DCC: variants seen among roughly 807,000 people sequenced by gnomAD.
DCC encodes DCC netrin 1 receptor.
A neutral mutation model predicts 172.5 loss-of-function variants in DCC; 58 were observed. The ratio of observed to expected loss-of-function variants is 0.34; its 90% CI spans 0.27 to 0.42. DCC has a LOEUF of 0.42. Among genes scored for constraint, DCC ranks in the 10% least tolerant of loss-of-function variants. The pLI is 1.00. For missense variants in DCC, 1,740 were observed against 1,791.0 expected (o/e 0.97, Z 0.51); for synonymous variants, 709 against 644.5 (o/e 1.10, Z -1.52).
At chr18:53,164,893 C>A (rs780992999) in intron 8 of DCC, among the ~76,000 whole-genome samples, 62 of 152,220 alleles carry the variant, frequency 4.1e-4, no homozygotes, top group Non-Finnish European at 7.1e-4. Context: ...AATGAGTATG[C>A]CTTTCTCTGT....
At chr18:52,604,064 G>A (rs1396428888) in intron 1 of DCC, among the ~76,000 whole-genome samples, 1 of 151,920 alleles carries the variant, frequency 6.6e-6, no homozygotes, top group Admixed American at 6.6e-5. Flanking sequence ...AAGATGATAA[G>A]TAGAAAAGTT....
At chr18:53,053,477 G>A (rs1568272983) in intron 5 of DCC, among the ~76,000 whole-genome samples, 2 of 152,000 alleles carry the variant, frequency 1.3e-5, no homozygotes, top group Admixed American at 1.3e-4. Context: ...ATTAAGAGAG[G>A]GAAATTCAGT....
At chr18:52,342,011 G>A (rs1324930557) in intron 1 of DCC, among the ~76,000 whole-genome samples, 1 of 152,130 alleles carries the variant, frequency 6.6e-6, no homozygotes, top group Non-Finnish European at 1.5e-5. Context: ...CATCAATCGC[G>A]GCCAAGCCCC....
intron 1 of DCC, among the ~76,000 whole-genome samples, chr18:52,651,988 C>A (rs2035141446): frequency 6.6e-6 from 1 of 152,138 alleles, no homozygotes; most frequent in Non-Finnish European, 1.5e-5. Context: ...ACAGTATCAG[C>A]AAACCAGGTT....
At chr18:52,439,554 G>C (rs562308158) in intron 1 of DCC, among the ~76,000 whole-genome samples, 22 of 152,176 alleles carry the variant, frequency 1.4e-4, no homozygotes, top group African/African-American at 5.1e-4. Context: ...AAGTATGAAA[G>C]GATTGAGGTT....
At chr18:53,456,721 C>A (rs999190852) in intron 23 of DCC, among the ~76,000 whole-genome samples, 1 of 152,060 alleles carries the variant, frequency 6.6e-6, no homozygotes, top group African/African-American at 2.4e-5. Flanking sequence ...GTTTAGAGAC[C>A]CCACTTTGGC....
At chr18:53,355,456 G>A (rs1011241794) in intron 15 of DCC, among the ~76,000 whole-genome samples, 9 of 152,176 alleles carry the variant, frequency 5.9e-5, no homozygotes, top group African/African-American at 2.2e-4. Context: ...TTGCTGAGCA[G>A]TGGTTTGTAG....
intron 20 of DCC, among the ~76,000 whole-genome samples, chr18:53,410,986 AATAGC>A: frequency 6.6e-6 from 1 of 152,166 alleles, no homozygotes. Context: ...GAATTATGTG[AATAGC>A]ATACTATTGC....
intron 2 of DCC, among the ~76,000 whole-genome samples, chr18:52,782,852 T>A (rs1220182666): frequency 6.6e-6 from 1 of 152,112 alleles, no homozygotes; most frequent in Non-Finnish European, 1.5e-5. Flanking sequence ...ATACTCTTCG[T>A]ATAAACATTT....
chr18:53,153,404 A>C (rs1000024663), intron 7 of DCC, among the ~76,000 whole-genome samples: 1 of 152,074 alleles, frequency 6.6e-6, no homozygotes, highest in Non-Finnish European at 1.5e-5. Context: ...GATGCTATGA[A>C]TTTTTTTAAA....
At chr18:52,802,640 A>G (rs2038013595) in intron 2 of DCC, among the ~76,000 whole-genome samples, 1 of 92,432 alleles carries the variant, frequency 1.1e-5, no homozygotes, top group Non-Finnish European at 2.1e-5. Flanking sequence ...CACCACGCCA[A>G]GCCTTTTTTT....
intron 1 of DCC, among the ~76,000 whole-genome samples, chr18:52,502,663 C>T (rs1434576695): frequency 6.6e-6 from 1 of 151,890 alleles, no homozygotes; most frequent in African/African-American, 2.4e-5. Context: ...ATTGCTGGTT[C>T]CAATTTGGAA....
intron 1 of DCC, among the ~76,000 whole-genome samples, chr18:52,636,588 A>C (rs1386857228): frequency 6.6e-6 from 1 of 152,094 alleles, no homozygotes; most frequent in Non-Finnish European, 1.5e-5. Context: ...GACAACCTGC[A>C]TGACTCAGCA....
intron 7 of DCC, among the ~76,000 whole-genome samples, chr18:53,067,496 T>G (rs556650883): frequency 1.3e-5 from 2 of 152,282 alleles, no homozygotes; most frequent in South Asian, 4.1e-4. Context: ...CACTACAACC[T>G]GGGCAACAGA....
chr18:52,459,926 T>C (rs1277530802), intron 1 of DCC, among the ~76,000 whole-genome samples: 1 of 151,890 alleles, frequency 6.6e-6, no homozygotes, highest in Non-Finnish European at 1.5e-5. Flanking sequence ...CACATATATA[T>C]ATACACACCA....
chr18:52,657,355 A>G (rs2035275261), intron 1 of DCC, among the ~76,000 whole-genome samples: 1 of 152,166 alleles, frequency 6.6e-6, no homozygotes, highest in Non-Finnish European at 1.5e-5. Context: ...CTGTGGCTAC[A>G]TTTCGCCAGT....
chr18:52,679,632 C>A (rs1213017926), intron 1 of DCC, among the ~76,000 whole-genome samples: 1 of 152,084 alleles, frequency 6.6e-6, no homozygotes, highest in Non-Finnish European at 1.5e-5. Context: ...TGCATTTTTG[C>A]TGAACCAAAC....
chr18:52,529,456 A>G (rs1453483642), intron 1 of DCC, among the ~76,000 whole-genome samples: 1 of 152,044 alleles, frequency 6.6e-6, no homozygotes, highest in Non-Finnish European at 1.5e-5. Context: ...ACGCCCAGCT[A>G]ATTTTTTGCA....
chr18:52,992,858 A>G (rs1289393262), intron 5 of DCC, among the ~76,000 whole-genome samples: 1 of 152,006 alleles, frequency 6.6e-6, no homozygotes, highest in Non-Finnish European at 1.5e-5. Context: ...GCCTATCGTA[A>G]TCCCAGCTAC....
Sources: gnomAD v4.1 joint callset for allele counts (sites outside exome capture counted in the v4.1 genomes callset) on GRCh38, gnomAD v4.1.1 for gene constraint, MANE v1.5 for transcripts, NCBI Gene and HGNC (gene_info 2026-07-23, HGNC 2026-07-21) for gene names.